ASPH: variants seen among roughly 807,000 people sequenced by gnomAD.
ASPH encodes the protein aspartate beta-hydroxylase.
ASPH carries 100 observed loss-of-function variants against 118.4 expected under a neutral mutation model. That is an observed-to-expected ratio of 0.84 (90% CI 0.72 to 1.00). The LOEUF is 1.00. Ranked by LOEUF, ASPH falls within the 50% of genes least tolerant of loss-of-function variation. The pLI, the probability that ASPH is intolerant of heterozygous loss-of-function variation, is 0.00. For missense variants in ASPH, 920 were observed against 919.5 expected, an observed-to-expected ratio of 1.00 and a Z score of -0.01; for synonymous variants, 315 against 325.6, an observed-to-expected ratio of 0.97 and a Z score of 0.35.
intron 3 of ASPH, among the ~76,000 whole-genome samples, chr8:61,654,771 C>T (rs1264324916): frequency 6.6e-6 from 1 of 152,158 alleles, no homozygotes; most frequent in Non-Finnish European, 1.5e-5. Flanking sequence ...AACACTATTT[C>T]CACACAAAAC....
At chr8:61,668,389 G>T in intron 3 of ASPH, 1 of 774,026 alleles carries the variant, frequency 1.3e-6, no homozygotes, top group Non-Finnish European at 2.0e-6. Context: ...TGTTAAGTTA[G>T]TTAAATTCAT....
At chr8:61,713,680 A>G (rs1466599665) in intron 1 of ASPH, among the ~76,000 whole-genome samples, 1 of 152,250 alleles carries the variant, frequency 6.6e-6, no homozygotes, top group Non-Finnish European at 1.5e-5. Flanking sequence ...ACGCTCGTTC[A>G]GTATTTCATG....
chr8:61,644,551 T>C, intron 7 of ASPH, 49 bp downstream of exon 7: 2 of 1,415,120 alleles, frequency 1.4e-6, no homozygotes, highest in Non-Finnish European at 1.9e-6. Flanking sequence ...GATGCCCTTT[T>C]AAAGGAAGAC....
chr8:61,656,199 AT>A (rs1813580206), intron 3 of ASPH: 1 of 152,208 alleles, frequency 6.6e-6, no homozygotes, highest in Non-Finnish European at 1.5e-5. Flanking sequence ...AATATTCAAA[AT>A]TAGGTTATGA....
chr8:61,665,009 C>T (rs1818815555), intron 3 of ASPH: 1 of 1,235,002 alleles, frequency 8.1e-7, no homozygotes, highest in Non-Finnish European at 1.0e-6. Context: ...TATCTGAATA[C>T]ATGATCAATA....
chr8:61,578,717 C>A, intron 15 of ASPH: 1 of 1,608,170 alleles, frequency 6.2e-7, no homozygotes, highest in Non-Finnish European at 8.5e-7. Flanking sequence ...CGGAGCTTGG[C>A]AACATGCAGA....
intron 13 of ASPH, chr8:61,626,084 G>T: frequency 8.0e-7 from 1 of 1,245,134 alleles, no homozygotes. Flanking sequence ...AGAAATGTGT[G>T]TTTCTAAAAA....
At chr8:61,641,027 C>T (rs1373885202) in intron 10 of ASPH, among the ~76,000 whole-genome samples, 1 of 152,176 alleles carries the variant, frequency 6.6e-6, no homozygotes, top group Non-Finnish European at 1.5e-5. Context: ...TGAATTTTCA[C>T]AAAGGTATTG....
intron 17 of ASPH, among the ~76,000 whole-genome samples, chr8:61,564,925 G>A (rs1305427402): frequency 2.6e-5 from 4 of 152,164 alleles, no homozygotes; most frequent in South Asian, 2.1e-4. Flanking sequence ...CTTGCCAGCC[G>A]AGCACCTGCC....
At chr8:61,679,291 C>T (rs1277137018) in intron 3 of ASPH, among the ~76,000 whole-genome samples, 8 of 152,082 alleles carry the variant, frequency 5.3e-5, no homozygotes, top group African/African-American at 1.7e-4. Flanking sequence ...TTTAGTTCCA[C>T]CTCCAAGTGT....
At chr8:61,662,644 A>G (rs1186563970) in intron 3 of ASPH, among the ~76,000 whole-genome samples, 1 of 152,208 alleles carries the variant, frequency 6.6e-6, no homozygotes, top group East Asian at 1.9e-4. Context: ...CTTCAATAAA[A>G]GTTAGTTGAA....
chr8:61,509,287 G>T (rs1235393578), intron 24 of ASPH, among the ~76,000 whole-genome samples: 1 of 152,174 alleles, frequency 6.6e-6, no homozygotes, highest in Admixed American at 6.5e-5. Flanking sequence ...AGGAATAAAA[G>T]AATGGATACT....
intron 3 of ASPH, chr8:61,675,602 T>C: frequency 1.0e-6 from 1 of 979,036 alleles, no homozygotes; most frequent in Non-Finnish European, 1.2e-6. Flanking sequence ...CATCATTTTA[T>C]ACATCAGTCA....
At chr8:61,675,482 T>A (rs1824809101) in intron 3 of ASPH, 8 of 983,086 alleles carry the variant, frequency 8.1e-6, no homozygotes, top group Non-Finnish European at 9.7e-6. Context: ...GAGTTATTTT[T>A]AAATTATTTT....
intron 1 of ASPH, among the ~76,000 whole-genome samples, chr8:61,697,720 G>GC: frequency 1.3e-5 from 2 of 152,340 alleles, no homozygotes; most frequent in South Asian, 4.1e-4. Context: ...GATGCATAGG[G>GC]CAAGGTATGT....
chr8:61,604,636 C>T lies in ASPH; in HGVS notation c.976+14342G>A, dbSNP rs564419370. Among the ~76,000 whole-genome samples the T allele has an allele frequency of 5.9e-5, 9 of 152,272 alleles. No homozygotes were observed. In the South Asian group the frequency reaches 1.9e-3, roughly 32 times the overall value. Reference sequence around the variant, plus strand: ...AAAGATGTGATACATGTTGTGATCCCTTTTATGAATAATGTGCAGTTTATT... The same window carrying T: ...AAAGATGTGATACATGTTGTGATCCTTTTTATGAATAATGTGCAGTTTATT... On this transcript the variant is annotated intron_variant, in intron 14 of 24. Transcript: ENST00000379454.
intron 3 of ASPH, among the ~76,000 whole-genome samples, chr8:61,667,553 G>T (rs1475704875): frequency 6.6e-6 from 1 of 152,192 alleles, no homozygotes; most frequent in South Asian, 2.1e-4. Context: ...TTTCAGTTGA[G>T]ACAGGGTTTC....
intron 22 of ASPH, among the ~76,000 whole-genome samples, chr8:61,523,486 T>A (rs1814030634): frequency 6.6e-6 from 1 of 151,956 alleles, no homozygotes; most frequent in East Asian, 1.9e-4. Flanking sequence ...CAGCTAATTT[T>A]TTGTCTTTTT....
chr8:61,653,744 C>A, intron 3 of ASPH, 84 bp from the exon 4 acceptor site: 1 of 1,348,154 alleles, frequency 7.4e-7, no homozygotes. Context: ...TATTTTCAAA[C>A]ATTTAATTAA....
Sources: allele counts gnomAD v4.1 joint callset (sites outside exome capture counted in the v4.1 genomes callset), GRCh38; gene constraint gnomAD v4.1.1; transcripts MANE v1.5; gene names NCBI Gene and HGNC (gene_info 2026-07-23, HGNC 2026-07-21).